Variants in PPM1H observed in about 807,000 individuals in gnomAD.
PPM1H encodes protein phosphatase 1H.
Under a neutral mutation model 54.9 loss-of-function variants are expected in PPM1H, and 27 were observed. That is an observed-to-expected ratio of 0.49 (90% CI 0.36 to 0.68). The LOEUF (loss-of-function observed/expected upper bound fraction) is 0.68. Ranked by LOEUF, PPM1H falls within the 30% of genes least tolerant of loss-of-function variation. PPM1H has a pLI of 0.00. For synonymous variants in PPM1H, 305 were observed against 270.8 expected (o/e 1.13, Z -1.24); for missense variants, 596 against 667.8 (o/e 0.89, Z 1.19).
At chr12:62,720,125 T>A in intron 6 of PPM1H, 46 bp downstream of exon 6, 1 of 1,465,464 alleles carries the variant, frequency 6.8e-7, no homozygotes, top group Non-Finnish European at 9.6e-7. Flanking sequence ...GATGCTTCCT[T>A]CACACACACT....
intron 4 of PPM1H, among the ~76,000 whole-genome samples, chr12:62,764,895 C>T (rs934813726): frequency 3.3e-5 from 5 of 152,282 alleles, no homozygotes; most frequent in African/African-American, 9.6e-5. Context: ...CGCATGGTGG[C>T]GGATGCTCGG....
At chr12:62,663,099 T>C (rs1272361806) in intron 9 of PPM1H, among the ~76,000 whole-genome samples, 3 of 152,130 alleles carry the variant, frequency 2.0e-5, no homozygotes, top group Admixed American at 1.3e-4. Flanking sequence ...AGTATCCCAA[T>C]ATTTGTTTAC....
Position 62,852,228 on chromosome 12 carries a change from C to CAAAAAA in PPM1H, c.246-19955_246-19950dup, listed in dbSNP as rs59673617. 1.4e-3 allele frequency among the ~76,000 whole-genome samples: 86 copies of CAAAAAA among 60,362 alleles called. 2 individuals carry two copies. The highest frequency in any genetic ancestry group is 7.5e-3 in the East Asian group (15 of 1,990). The allele number at this position is 60,362 out of a possible 152,430, so 39.6% of individuals were successfully genotyped here. On this transcript the variant is annotated intron_variant, in intron 1 of 9. Transcript: ENST00000228705. ...TGGGTGACAGAGCGAGACTCTGTCTCAAAAAAAAAAAAAAAAAAAAAAAGA... is the reference window on the plus strand; with the variant it reads ...TGGGTGACAGAGCGAGACTCTGTCTCAAAAAAAAAAAAAAAAAAAAAAAAAAAAAGA...
intron 1 of PPM1H, among the ~76,000 whole-genome samples, chr12:62,912,145 T>A (rs1330301280): frequency 1.3e-5 from 2 of 152,226 alleles, no homozygotes. Context: ...ATGAAAGGAC[T>A]CTAATTAGAA....
chr12:62,917,702 C>T (rs1871666400), intron 1 of PPM1H, among the ~76,000 whole-genome samples: 1 of 152,084 alleles, frequency 6.6e-6, no homozygotes, highest in South Asian at 2.1e-4. Flanking sequence ...TCTTTTAATT[C>T]AGGATAGGCT....
intron 4 of PPM1H, among the ~76,000 whole-genome samples, chr12:62,752,147 T>A (rs916830686): frequency 6.6e-6 from 1 of 152,226 alleles, no homozygotes; most frequent in African/African-American, 2.4e-5. Context: ...AGTTAGCCAC[T>A]CTGAGAATCA....
At chr12:62,831,480 T>C (rs1219116660) in intron 2 of PPM1H, among the ~76,000 whole-genome samples, 7 of 152,022 alleles carry the variant, frequency 4.6e-5, no homozygotes, top group Non-Finnish European at 1.0e-4. Context: ...GGCCACCCCA[T>C]GGGCTGCAAG....
At chr12:62,858,150 T>C (rs1349529034) in intron 1 of PPM1H, among the ~76,000 whole-genome samples, 1 of 152,016 alleles carries the variant, frequency 6.6e-6, no homozygotes, top group African/African-American at 2.4e-5. Context: ...CATTTGATTT[T>C]ACATCTCTTT....
intron 1 of PPM1H, among the ~76,000 whole-genome samples, chr12:62,897,171 GCACA>G (rs1389560491): frequency 6.6e-6 from 1 of 151,832 alleles, no homozygotes; most frequent in African/African-American, 2.4e-5. Flanking sequence ...AATGGGTGCA[GCACA>G]CAAACATGGC....
intron 5 of PPM1H, among the ~76,000 whole-genome samples, chr12:62,724,096 C>T (rs1170217913): frequency 2.0e-5 from 3 of 152,160 alleles, no homozygotes; most frequent in African/African-American, 7.2e-5. Flanking sequence ...ACAGGCCTTG[C>T]TAAGTACCCC....
intron 8 of PPM1H, among the ~76,000 whole-genome samples, chr12:62,672,868 T>C (rs1370897988): frequency 1.3e-5 from 2 of 152,220 alleles, no homozygotes; most frequent in African/African-American, 4.8e-5. Flanking sequence ...CAGCATCTTC[T>C]ATAGTGTAAA....
intron 9 of PPM1H, among the ~76,000 whole-genome samples, chr12:62,653,504 A>AC (rs1290874041): frequency 2.6e-5 from 4 of 152,124 alleles, no homozygotes; most frequent in African/African-American, 4.8e-5. Flanking sequence ...ACCTCTTCTG[A>AC]CCTTATGATT....
intron 1 of PPM1H, among the ~76,000 whole-genome samples, chr12:62,901,720 A>G (rs1871168017): frequency 1.3e-5 from 2 of 152,188 alleles, no homozygotes; most frequent in Admixed American, 1.3e-4. Flanking sequence ...CCAATTAATG[A>G]CTATTAAAAT....
At chr12:62,760,909 G>A (rs989350622) in intron 4 of PPM1H, among the ~76,000 whole-genome samples, 3 of 152,224 alleles carry the variant, frequency 2.0e-5, no homozygotes, top group African/African-American at 7.2e-5. Flanking sequence ...GTCATACTCT[G>A]CTCCGGGAAA....
In PPM1H at chr12:62,832,295, G is replaced by C. The variant is rs1293206633; in HGVS notation, c.246-16C>G. ...ATTGATAACCCTGGAGAAGAAGCCG[G>C]AAAAGCTGGTCAGACAGACCGATAA... On this transcript the variant is annotated splice_polypyrimidine_tract_variant and intron_variant, in intron 1 of 9. Coordinates refer to ENST00000228705, the MANE Select transcript of PPM1H (RefSeq NM_020700.2). The C allele has an allele frequency of 5.6e-6, 9 of 1,598,144 alleles. No individual in the cohort carries two copies. In the East Asian group the frequency reaches 2.0e-4, roughly 36 times the overall value.
intron 9 of PPM1H, among the ~76,000 whole-genome samples, chr12:62,661,585 CG>C (rs1392450998): frequency 6.6e-6 from 1 of 152,076 alleles, no homozygotes; most frequent in Non-Finnish European, 1.5e-5. Flanking sequence ...TTAGTATAGA[CG>C]GGGTTTCGCC....
chr12:62,829,540 C>T (rs1353498146), intron 2 of PPM1H, among the ~76,000 whole-genome samples: 1 of 152,146 alleles, frequency 6.6e-6, no homozygotes, highest in Non-Finnish European at 1.5e-5. Flanking sequence ...GGAAAAGAAG[C>T]TCAACTCTTG....
intron 4 of PPM1H, among the ~76,000 whole-genome samples, chr12:62,740,750 A>C (rs1167540078): frequency 2.0e-5 from 3 of 152,196 alleles, no homozygotes; most frequent in Non-Finnish European, 2.9e-5. Flanking sequence ...CCAGCGCAAA[A>C]TGAAAACACA....
At chr12:62,651,817 A>G (rs1224647062) in intron 9 of PPM1H, among the ~76,000 whole-genome samples, 1 of 152,186 alleles carries the variant, frequency 6.6e-6, no homozygotes. Context: ...TGGCTTCTCA[A>G]TACTTATTCT....
Sources: gnomAD v4.1 joint callset for allele counts (sites outside exome capture counted in the v4.1 genomes callset) on GRCh38, gnomAD v4.1.1 for gene constraint, MANE v1.5 for transcripts, NCBI Gene and HGNC (gene_info 2026-07-23, HGNC 2026-07-21) for gene names.